MAGI2: variants seen among roughly 807,000 people sequenced by gnomAD.
The protein encoded by MAGI2 is membrane associated guanylate kinase, WW and PDZ domain containing 2, also known as membrane-associated guanylate kinase, WW and PDZ domain-containing protein 2.
Under a neutral mutation model 133.3 loss-of-function variants are expected in MAGI2, and 35 were observed. That is an observed-to-expected ratio of 0.26 (90% CI 0.20 to 0.35). MAGI2 has a LOEUF of 0.35. Ranked by LOEUF, MAGI2 falls within the 10% of genes least tolerant of loss-of-function variation. The probability of loss-of-function intolerance (pLI) is 1.00; values close to 1 mark genes in which losing one functional copy is unlikely to be tolerated. For synonymous variants in MAGI2, 729 were observed against 710.6 expected, an observed-to-expected ratio of 1.03 and a Z score of -0.41; for missense variants, 1,636 against 1,863.4, an observed-to-expected ratio of 0.88 and a Z score of 2.25.
chr7:79,282,963 T>G (rs1382246887), intron 1 of MAGI2, among the ~76,000 whole-genome samples: 3 of 152,126 alleles, frequency 2.0e-5, no homozygotes, highest in Non-Finnish European at 4.4e-5. Context: ...TCTAGGTTAC[T>G]GCACTCTAAG....
intron 21 of MAGI2, among the ~76,000 whole-genome samples, chr7:78,077,774 G>C (rs1196499724): frequency 3.2e-5 from 4 of 125,758 alleles, no homozygotes; most frequent in African/African-American, 1.3e-4. Flanking sequence ...TTGTTGCCCA[G>C]ACTGGAGTGT....
chr7:78,201,284 T>A, intron 10 of MAGI2, 91 bp from the exon 11 acceptor site: 2 of 603,942 alleles, frequency 3.3e-6, no homozygotes, highest in Non-Finnish European at 5.6e-6. Flanking sequence ...TAATTGATTT[T>A]AAATTAGTTA....
chr7:79,439,622 T>C (rs1380317123), intron 1 of MAGI2, among the ~76,000 whole-genome samples: 2 of 152,158 alleles, frequency 1.3e-5, no homozygotes, highest in African/African-American at 2.4e-5. Context: ...ATCCTTATTA[T>C]CATTTTAATG....
At chr7:79,328,534 C>T (rs1331510030) in intron 1 of MAGI2, among the ~76,000 whole-genome samples, 1 of 152,110 alleles carries the variant, frequency 6.6e-6, no homozygotes, top group Admixed American at 6.5e-5. Flanking sequence ...AAATTGAAGA[C>T]ATATTATGTA....
At chr7:78,606,426 A>C (rs1352050204) in intron 3 of MAGI2, among the ~76,000 whole-genome samples, 2 of 151,458 alleles carry the variant, frequency 1.3e-5, no homozygotes, top group Admixed American at 1.3e-4. Context: ...AAGCAGAGCC[A>C]CAAATATAAG....
chr7:78,476,671 A>G (rs1444018284), intron 6 of MAGI2, among the ~76,000 whole-genome samples: 1 of 151,974 alleles, frequency 6.6e-6, no homozygotes, highest in Non-Finnish European at 1.5e-5. Context: ...GGGCAACTTT[A>G]TGTTCAAGGA....
intron 2 of MAGI2, among the ~76,000 whole-genome samples, chr7:78,670,659 T>C (rs866415060): frequency 5.3e-5 from 8 of 152,162 alleles, no homozygotes; most frequent in Middle Eastern, 6.3e-3. Context: ...TCACGCTACC[T>C]GACTTCAAAC....
chr7:78,901,656 G>A (rs1181465650), intron 2 of MAGI2: 1 of 145,836 alleles, frequency 6.9e-6, no homozygotes. Context: ...ACACAGCCAT[G>A]CTCAAATGAA....
chr7:78,779,171 G>C (rs1826210525), intron 2 of MAGI2, among the ~76,000 whole-genome samples: 1 of 152,098 alleles, frequency 6.6e-6, no homozygotes, highest in Non-Finnish European at 1.5e-5. Context: ...ATCCCAAAGT[G>C]CTGGGATTAC....
chr7:78,628,526 A>G lies in MAGI2; in HGVS notation c.419-1287T>C, dbSNP rs186459167. Among the ~76,000 whole-genome samples, 68 of 152,232 alleles carry G rather than the reference A, an allele frequency of 4.5e-4. 1 individual carries two copies. The highest frequency in any genetic ancestry group is 4.3e-3 in the Admixed American group (65 of 15,270). On this transcript the variant is annotated intron_variant, in intron 2 of 21. Coordinates refer to ENST00000354212, the MANE Select transcript of MAGI2 (RefSeq NM_012301.4). Reference sequence around the variant, plus strand: ...GAAGCAGAAGGTAATGTCAGAATGTATAATATGCCAGGGAAATTTGATTTT... The same window carrying G: ...GAAGCAGAAGGTAATGTCAGAATGTGTAATATGCCAGGGAAATTTGATTTT...
At chr7:78,711,125 G>A (rs1819142188) in intron 2 of MAGI2, among the ~76,000 whole-genome samples, 1 of 152,082 alleles carries the variant, frequency 6.6e-6, no homozygotes, top group Non-Finnish European at 1.5e-5. Context: ...AAGTTCACAG[G>A]ATATATGTGT....
At chr7:78,954,086 T>C (rs374361682) in intron 2 of MAGI2, among the ~76,000 whole-genome samples, 79 of 152,242 alleles carry the variant, frequency 5.2e-4, no homozygotes, top group African/African-American at 1.8e-3. Flanking sequence ...CATTTCAGTT[T>C]AAGGTTCGCC....
At chr7:79,374,158 G>C (rs1843229448) in intron 1 of MAGI2, among the ~76,000 whole-genome samples, 1 of 151,958 alleles carries the variant, frequency 6.6e-6, no homozygotes, top group Admixed American at 6.6e-5. Flanking sequence ...GAGTACTATG[G>C]GTTGAATTAC....
intron 5 of MAGI2, among the ~76,000 whole-genome samples, chr7:78,492,174 G>A (rs1022344662): frequency 1.3e-5 from 2 of 151,908 alleles, no homozygotes; most frequent in African/African-American, 4.8e-5. Context: ...TCAAATACTG[G>A]CTAATTTAGT....
chr7:78,487,001 A>AT (rs1793090738), intron 6 of MAGI2: 2 of 522,900 alleles, frequency 3.8e-6, no homozygotes, highest in South Asian at 2.8e-5. Flanking sequence ...AGAAGAGGGT[A>AT]TTCCAGCACA....
chr7:78,382,998 A>G (rs1434848928), intron 6 of MAGI2, among the ~76,000 whole-genome samples: 4 of 152,116 alleles, frequency 2.6e-5, no homozygotes, highest in South Asian at 4.1e-4. Flanking sequence ...CGTTTTCTGT[A>G]TCAGTTCATC....
At chr7:78,956,062 G>C (rs1191865943) in intron 2 of MAGI2, among the ~76,000 whole-genome samples, 1 of 151,966 alleles carries the variant, frequency 6.6e-6, no homozygotes, top group Non-Finnish European at 1.5e-5. Context: ...TACAGTACTA[G>C]TGGTAAAGAG....
chr7:79,323,643 TA>T (rs1480042119), intron 1 of MAGI2, among the ~76,000 whole-genome samples: 1 of 152,014 alleles, frequency 6.6e-6, no homozygotes, highest in Non-Finnish European at 1.5e-5. Context: ...CTGAAGGATA[TA>T]AATGGGAAAA....
chr7:78,619,235 A>T (rs1000300517), intron 3 of MAGI2, among the ~76,000 whole-genome samples: 2 of 151,862 alleles, frequency 1.3e-5, no homozygotes, highest in Non-Finnish European at 2.9e-5. Context: ...AAGAGTTAGT[A>T]AATCATTGTA....
Sources: gnomAD v4.1 joint callset for allele counts (sites outside exome capture counted in the v4.1 genomes callset) on GRCh38, gnomAD v4.1.1 for gene constraint, MANE v1.5 for transcripts, NCBI Gene and HGNC (gene_info 2026-07-23, HGNC 2026-07-21) for gene names.